RAD51B: variants seen among roughly 807,000 people sequenced by gnomAD.
RAD51B encodes RAD51 paralog B, also known as DNA repair protein RAD51 homolog 2.
In RAD51B, 38 loss-of-function variants were observed where a neutral mutation model predicts 42.2. The ratio of observed to expected loss-of-function variants is 0.90; its 90% CI spans 0.70 to 1.18. The LOEUF (loss-of-function observed/expected upper bound fraction) is 1.18. RAD51B is among the 50% of genes most tolerant of loss of function. The pLI is 0.00. For missense variants in RAD51B, 373 were observed against 400.7 expected, an observed-to-expected ratio of 0.93 and a Z score of 0.59; for synonymous variants, 154 against 145.2, an observed-to-expected ratio of 1.06 and a Z score of -0.43.
intron 7 of RAD51B, among the ~76,000 whole-genome samples, chr14:68,168,239 C>T (rs2078794125): frequency 6.6e-6 from 1 of 152,090 alleles, no homozygotes; most frequent in Non-Finnish European, 1.5e-5. Context: ...GAATTTTACT[C>T]CTTTTAATCA....
chr14:67,843,749 T>C (rs1443679384), intron 4 of RAD51B, among the ~76,000 whole-genome samples: 1 of 151,046 alleles, frequency 6.6e-6, no homozygotes, highest in East Asian at 2.0e-4. Flanking sequence ...TTTTTTCTTA[T>C]TAGTCTAGCT....
At chr14:67,956,857 T>C (rs1200514529) in intron 7 of RAD51B, among the ~76,000 whole-genome samples, 1 of 152,280 alleles carries the variant, frequency 6.6e-6, no homozygotes, top group Non-Finnish European at 1.5e-5. Flanking sequence ...GCTAGTGTAG[T>C]GGACAGCATA....
At chr14:67,946,923 T>A (rs879316811) in intron 7 of RAD51B, among the ~76,000 whole-genome samples, 16 of 152,184 alleles carry the variant, frequency 1.1e-4, no homozygotes, top group Non-Finnish European at 1.9e-4. Flanking sequence ...GATAGAAGAA[T>A]AAAGAAGTAA....
At chr14:68,331,659 C>T (rs912456882) in intron 8 of RAD51B, among the ~76,000 whole-genome samples, 2 of 152,158 alleles carry the variant, frequency 1.3e-5, no homozygotes, top group African/African-American at 4.8e-5. Context: ...GCATGTTCTG[C>T]ACCAGCAGTC....
intron 5 of RAD51B, among the ~76,000 whole-genome samples, chr14:67,872,924 A>G (rs1454782606): frequency 6.6e-6 from 1 of 152,234 alleles, no homozygotes; most frequent in African/African-American, 2.4e-5. Flanking sequence ...CTTACACCTT[A>G]TACAAAAATC....
intron 7 of RAD51B, among the ~76,000 whole-genome samples, chr14:68,063,507 G>T (rs752148718): frequency 5.9e-5 from 9 of 152,132 alleles, no homozygotes; most frequent in Non-Finnish European, 1.0e-4. Context: ...AGGCCGAAGC[G>T]GGCGGAAATC....
rs997740243 is a variant in RAD51B at position 67,963,313 on chromosome 14, A to G, written c.756+76109A>G. ...TTCTGTGCATTCATTATCTATGTGT[A>G]TATTCCAGTTGTCTGGAATAATGTC... On this transcript the variant is annotated intron_variant, in intron 7 of 10. Transcript: ENST00000471583. Among the ~76,000 whole-genome samples, 4 of 152,130 alleles carry G rather than the reference A, an allele frequency of 2.6e-5. No homozygotes were observed. In the East Asian group the frequency reaches 5.8e-4, roughly 22 times the overall value.
At chr14:68,356,466 CACTCT>C (rs1171751355) in intron 8 of RAD51B, among the ~76,000 whole-genome samples, 55 of 150,470 alleles carry the variant, frequency 3.7e-4, no homozygotes, top group African/African-American at 1.2e-3. Context: ...GTTATGTTTA[CACTCT>C]ACTCTATTAA....
intron 7 of RAD51B, among the ~76,000 whole-genome samples, chr14:68,015,961 G>A (rs1340279732): frequency 6.6e-6 from 1 of 152,026 alleles, no homozygotes; most frequent in Non-Finnish European, 1.5e-5. Flanking sequence ...TTGCCTTATG[G>A]CAATTATTAT....
intron 8 of RAD51B, among the ~76,000 whole-genome samples, chr14:68,321,623 G>A (rs532099773): frequency 6.6e-6 from 1 of 152,272 alleles, no homozygotes; most frequent in African/African-American, 2.4e-5. Context: ...CACAAGGGTA[G>A]ACCTTGAGCA....
chr14:67,842,659 C>T (rs1467561966), intron 4 of RAD51B, among the ~76,000 whole-genome samples: 2 of 152,158 alleles, frequency 1.3e-5, no homozygotes, highest in African/African-American at 2.4e-5. Context: ...CATGTGCCAC[C>T]GTGCCCAGCC....
chr14:68,478,663 A>G (rs1303149569), downstream of RAD51B, among the ~76,000 whole-genome samples: 1 of 152,174 alleles, frequency 6.6e-6, no homozygotes, highest in Non-Finnish European at 1.5e-5. Flanking sequence ...AGTGACCTCA[A>G]GCTGTCCTCT....
intron 3 of RAD51B, among the ~76,000 whole-genome samples, chr14:67,834,514 A>G (rs2041164350): frequency 6.6e-6 from 1 of 152,110 alleles, no homozygotes; most frequent in Admixed American, 6.6e-5. Context: ...AGAGCTGTTT[A>G]TGGTTAGGCC....
At chr14:68,536,835 A>C (rs1887649437) in intron 10 of RAD51B, among the ~76,000 whole-genome samples, 1 of 151,814 alleles carries the variant, frequency 6.6e-6, no homozygotes, top group South Asian at 2.1e-4. Context: ...TAATCCCAGC[A>C]CTTTGGGAGG....
At position 68,257,726 on chromosome 14, in the gene RAD51B, A is replaced by G. The variant is rs1269623726; in HGVS notation, c.757-34158A>G. Among the ~76,000 whole-genome samples the G allele has an allele frequency of 1.5e-4, 23 of 152,116 alleles. 1 individual carries two copies. The highest frequency in any genetic ancestry group is 1.5e-3 in the Admixed American group (23 of 15,262). On this transcript the variant is annotated intron_variant, in intron 7 of 10. Coordinates refer to ENST00000471583, the MANE Select transcript of RAD51B (RefSeq NM_133510.4). ...CTCTTAACAGTATTATAAAACTCCA[A>G]AGTTTATTATATAAATATGTTAGGT...
At chr14:67,886,015 T>C (rs752112949) in intron 6 of RAD51B, 27 bp downstream of exon 6, 8 of 1,506,946 alleles carry the variant, frequency 5.3e-6, no homozygotes, top group Non-Finnish European at 7.2e-6. Flanking sequence ...TTTGATTTTT[T>C]AGTAATGCGT....
intron 7 of RAD51B, among the ~76,000 whole-genome samples, chr14:68,205,717 T>A (rs894595894): frequency 6.6e-6 from 1 of 152,124 alleles, no homozygotes. Flanking sequence ...GTTGCTAATA[T>A]TTTACCACAT....
At chr14:67,899,441 G>A (rs1196117482) in intron 7 of RAD51B, among the ~76,000 whole-genome samples, 2 of 152,134 alleles carry the variant, frequency 1.3e-5, no homozygotes, top group Non-Finnish European at 2.9e-5. Context: ...TAACCTTAAG[G>A]CTATTTTGAT....
chr14:68,411,136 C>G (rs1183819998), intron 8 of RAD51B, among the ~76,000 whole-genome samples: 1 of 152,196 alleles, frequency 6.6e-6, no homozygotes, highest in Admixed American at 6.5e-5. Flanking sequence ...TTACTAGTAG[C>G]AATGGCTCTG....
Sources: gnomAD v4.1 joint callset for allele counts (sites outside exome capture counted in the v4.1 genomes callset) on GRCh38, gnomAD v4.1.1 for gene constraint, MANE v1.5 for transcripts, NCBI Gene and HGNC (gene_info 2026-07-23, HGNC 2026-07-21) for gene names.